Variants in IL6ST observed in about 807,000 individuals in gnomAD.
The protein encoded by IL6ST is interleukin 6 cytokine family signal transducer.
A neutral mutation model predicts 91.3 loss-of-function variants in IL6ST; 24 were observed. The ratio of observed to expected loss-of-function variants is 0.26; its 90% CI spans 0.19 to 0.37. IL6ST has a LOEUF of 0.37. Among genes scored for constraint, IL6ST ranks in the 10% least tolerant of loss-of-function variants. The pLI is 1.00. For synonymous variants in IL6ST, 351 were observed against 373.6 expected (o/e 0.94, Z 0.70); for missense variants, 914 against 1,078.5 (o/e 0.85, Z 2.14).
chr5:55,968,454 T>TTA, intron 4 of IL6ST, 58 bp from the exon 5 acceptor site: 1 of 1,499,336 alleles, frequency 6.7e-7, no homozygotes, highest in Non-Finnish European at 9.2e-7. Flanking sequence ...TATTATGCAA[T>TTA]TTATATACTA....
At chr5:55,974,935 A>C (rs74438668) in intron 3 of IL6ST, among the ~76,000 whole-genome samples, 5,066 of 139,380 alleles carry the variant, frequency 0.036, 282 homozygotes, top group African/African-American at 0.12. Context: ...AGTATTATTC[A>C]TACACACACA....
At chr5:55,952,183 C>T (rs997586120) in intron 12 of IL6ST, 67 bp downstream of exon 12, 63 of 1,477,626 alleles carry the variant, frequency 4.3e-5, no homozygotes, top group Non-Finnish European at 5.4e-5. Flanking sequence ...TATTTAAAAG[C>T]GATAAAATGT....
chr5:55,975,996 ACT>A, intron 3 of IL6ST, among the ~76,000 whole-genome samples: 1 of 151,924 alleles, frequency 6.6e-6, no homozygotes, highest in Non-Finnish European at 1.5e-5. Context: ...GACTTAAATT[ACT>A]GACTTAGCAT....
At chr5:55,981,356 G>A (rs1753658004) in intron 2 of IL6ST, among the ~76,000 whole-genome samples, 1 of 152,116 alleles carries the variant, frequency 6.6e-6, no homozygotes, top group Non-Finnish European at 1.5e-5. Flanking sequence ...AAAATTGACA[G>A]AATTATGGCC....
chr5:55,965,050 A>G (rs56114399), intron 5 of IL6ST, among the ~76,000 whole-genome samples: 2,876 of 152,284 alleles, frequency 0.019, 43 homozygotes, highest in Non-Finnish European at 0.028. Flanking sequence ...GTTTTATATA[A>G]TTATTAAGAA....
chr5:55,936,699 T>C lies in IL6ST; in HGVS notation c.*4383A>G, dbSNP rs748366831. 3.1e-5 allele frequency: 6 copies of C among 192,456 alleles called. No individual in the cohort carries two copies. The highest frequency in any genetic ancestry group is 6.5e-5 in the Non-Finnish European group (6 of 92,244). The allele number at this position is 192,456 out of a possible 1,614,324, so 11.9% of individuals were successfully genotyped here. On this transcript the variant is annotated 3_prime_UTR_variant, in exon 17 of 17. Transcript: ENST00000381298. ...AATTTACTTAAGGGATTAGAGCTAA[T>C]ATATAATAGAACATTTAATATAACA...
chr5:55,962,393 T>A (rs11574769), intron 7 of IL6ST, among the ~76,000 whole-genome samples: 3 of 152,146 alleles, frequency 2.0e-5, no homozygotes, highest in African/African-American at 7.2e-5. Flanking sequence ...AGAGTATGGA[T>A]AGCTGAATGC....
intron 1 of IL6ST, among the ~76,000 whole-genome samples, chr5:55,987,357 A>C (rs1325210216): frequency 6.6e-6 from 1 of 152,268 alleles, no homozygotes; most frequent in Non-Finnish European, 1.5e-5. Context: ...GCCTAAAATA[A>C]GCACAGTTCA....
rs1013248947 is a variant in IL6ST, at chr5:55,994,824, C to T, written c.-144G>A. The T allele has an allele frequency of 6.6e-6, 1 of 152,496 alleles. No individual in the cohort carries two copies. Among genetic ancestry groups the T allele is most frequent in the African/African-American group, 2.4e-5 (1 of 41,450 alleles). 9.4% of individuals were successfully genotyped at this position (152,496 alleles called of 1,614,324 possible). On this transcript the variant is annotated 5_prime_UTR_variant, in exon 1 of 17. Coordinates refer to ENST00000381298, the MANE Select transcript of IL6ST (RefSeq NM_002184.4). ...CTCGACCCTCCGCGTCTCCACAGCG[C>T]ACGAACCCCTTGGCGCCAGGCTGGG...
Position 55,939,417 on chromosome 5 carries a change from C to CAAGA in IL6ST, c.*1661_*1664dup. On this transcript the variant is annotated 3_prime_UTR_variant, in exon 17 of 17. Transcript: ENST00000381298. ...GAAAGGATGAGGCATTATATAAATG[C>CAAGA]AAGAATATAAAAGATAAACAGGAAG... 5.0e-6 allele frequency: 1 copy of CAAGA among 201,968 alleles called. No homozygotes were observed. 12.5% of individuals were successfully genotyped at this position (201,968 alleles called of 1,614,324 possible). A position where few individuals can be genotyped will look rare whatever the true frequency, so the allele number is the denominator to read the frequency against.
intron 16 of IL6ST, 80 bp downstream of exon 16, chr5:55,942,590 A>G: frequency 1.4e-6 from 1 of 713,352 alleles, no homozygotes. Flanking sequence ...GATACTCAAT[A>G]TACCTACTAA....
chr5:55,979,903 G>A (rs1175607467), intron 2 of IL6ST, among the ~76,000 whole-genome samples: 1 of 152,060 alleles, frequency 6.6e-6, no homozygotes, highest in African/African-American at 2.4e-5. Flanking sequence ...TTAAATGATG[G>A]TATACCAAAA....
At chr5:55,961,550 G>A (rs1191254364) in intron 7 of IL6ST, among the ~76,000 whole-genome samples, 1 of 152,128 alleles carries the variant, frequency 6.6e-6, no homozygotes, top group African/African-American at 2.4e-5. Flanking sequence ...CTGAGGTCTG[G>A]AGTTCGAGAC....
intron 3 of IL6ST, among the ~76,000 whole-genome samples, chr5:55,974,200 T>C (rs1231505280): frequency 6.6e-6 from 1 of 152,230 alleles, no homozygotes; most frequent in Non-Finnish European, 1.5e-5. Flanking sequence ...TTACGTTTAT[T>C]TTTTTCATAA....
intron 10 of IL6ST, among the ~76,000 whole-genome samples, chr5:55,955,340 C>T (rs1248541846): frequency 6.6e-6 from 1 of 152,140 alleles, no homozygotes; most frequent in Non-Finnish European, 1.5e-5. Context: ...GCCTTTAATT[C>T]CAGCTACTTG....
chr5:55,945,770 C>A (rs543339909), intron 15 of IL6ST, among the ~76,000 whole-genome samples: 2 of 147,566 alleles, frequency 1.4e-5, no homozygotes, highest in Admixed American at 1.4e-4. Flanking sequence ...CCTGCCTCAG[C>A]CTCCCGAGTA....
At chr5:55,985,108 C>A (rs761288811) in intron 1 of IL6ST, among the ~76,000 whole-genome samples, 1 of 152,038 alleles carries the variant, frequency 6.6e-6, no homozygotes, top group Admixed American at 6.6e-5. Context: ...TTCTTGTATG[C>A]TTGTCTTTTC....
chr5:55,961,043 A>AT lies in IL6ST; in HGVS notation c.814-483dup, dbSNP rs1752283742. ...AACCTCCGCCTCCCAGGTTCAAGTG[A>AT]TTCTATTGCCTCAGCCTCTTGAAAC... On this transcript the variant is annotated intron_variant, in intron 7 of 16. Transcript: ENST00000381298. Among the ~76,000 whole-genome samples the AT allele has an allele frequency of 1.3e-5, 2 of 152,208 alleles. 1 individual carries two copies. Among genetic ancestry groups the AT allele is most frequent in the African/African-American group, 4.8e-5 (2 of 41,456 alleles).
chr5:55,955,996 G>A, intron 10 of IL6ST, 29 bp downstream of exon 10: 1 of 1,508,740 alleles, frequency 6.6e-7, no homozygotes, highest in East Asian at 2.3e-5. Context: ...TTCCACCCAA[G>A]AGTCAGGCTC....
Sources: allele counts gnomAD v4.1 joint callset (sites outside exome capture counted in the v4.1 genomes callset), GRCh38; gene constraint gnomAD v4.1.1; transcripts MANE v1.5; gene names NCBI Gene and HGNC (gene_info 2026-07-23, HGNC 2026-07-21).